Variants in KATNIP observed in about 807,000 individuals in gnomAD.
KATNIP encodes the protein katanin interacting protein, also known as katanin-interacting protein.
In KATNIP, 126 loss-of-function variants were observed where a neutral mutation model predicts 174.0. The ratio of observed to expected loss-of-function variants is 0.72; its 90% CI spans 0.63 to 0.84. KATNIP has a LOEUF of 0.84. Ranked by LOEUF, KATNIP falls within the 40% of genes least tolerant of loss-of-function variation. The probability of loss-of-function intolerance (pLI) is 0.00; values close to 1 mark genes in which losing one functional copy is unlikely to be tolerated. For synonymous variants in KATNIP, 810 were observed against 835.7 expected (o/e 0.97, Z 0.53); for missense variants, 1,958 against 2,109.7 (o/e 0.93, Z 1.41).
At chr16:27,706,556 G>A (rs1485913497) in intron 12 of KATNIP, among the ~76,000 whole-genome samples, 9 of 152,140 alleles carry the variant, frequency 5.9e-5, no homozygotes, top group African/African-American at 7.2e-5. Flanking sequence ...CCCTCCCACC[G>A]CCAAGTGGGA....
In KATNIP at chr16:27,677,743, C is replaced by A; in HGVS notation, c.555C>A (p.Ser185Arg). ...SEDRPQELRRSLELSVNLQRK... is the reference protein window; with the variant it reads ...SEDRPQELRRRLELSVNLQRK... ...GCTTTTTGCAGGAGCTGAGAAGAAG[C>A]CTGGAACTTAGTGTAAATCTACAAA... Residue 185 changes from serine to arginine, a missense_variant, in exon 7 of 28, where the codon AGC (serine) becomes AGA (arginine). By Grantham distance (110) the Ser-to-Arg change is moderately radical. Coordinates refer to ENST00000261588, the MANE Select transcript of KATNIP (RefSeq NM_015202.5). The A allele has an allele frequency of 6.2e-7, 1 of 1,608,262 alleles. No homozygotes were observed. The highest frequency in any genetic ancestry group is 8.5e-7 in the Non-Finnish European group (1 of 1,174,962).
intron 6 of KATNIP, among the ~76,000 whole-genome samples, chr16:27,676,878 C>T (rs535779640): frequency 3.3e-5 from 5 of 152,216 alleles, no homozygotes; most frequent in Non-Finnish European, 4.4e-5. Flanking sequence ...CACTGTGTTG[C>T]CCAGGCTGGT....
chr16:27,739,586 C>T lies in KATNIP; in HGVS notation c.1744-455C>T, dbSNP rs191584428. ...TGTTTTATAAGCACTCCAGGCTTTT[C>T]GACGCAGATGGTCTCAGGAACTGGA... On this transcript the variant is annotated intron_variant, in intron 14 of 27. Coordinates refer to ENST00000261588, the MANE Select transcript of KATNIP (RefSeq NM_015202.5). Among the ~76,000 whole-genome samples the T allele has an allele frequency of 3.9e-5, 6 of 152,254 alleles. No individual in the cohort carries two copies. In the South Asian group the frequency reaches 8.3e-4, roughly 21 times the overall value.
intron 18 of KATNIP, among the ~76,000 whole-genome samples, chr16:27,756,467 A>T (rs774982081): frequency 8.5e-5 from 13 of 152,318 alleles, no homozygotes; most frequent in Non-Finnish European, 1.6e-4. Context: ...AGATGGAGTC[A>T]CCTACCTAAG....
intron 1 of KATNIP, among the ~76,000 whole-genome samples, chr16:27,562,695 G>A (rs1386010634): frequency 6.6e-6 from 1 of 152,214 alleles, no homozygotes; most frequent in Non-Finnish European, 1.5e-5. Flanking sequence ...TTAGGAGCTT[G>A]TCTGATGGAT....
Position 27,576,763 on chromosome 16 carries a change from C to A in KATNIP, c.63+2807C>A, listed in dbSNP as rs183323756. On this transcript the variant is annotated intron_variant, in intron 2 of 27. Coordinates refer to ENST00000261588, the MANE Select transcript of KATNIP (RefSeq NM_015202.5). The stretch of plus-strand genomic sequence containing the variant: ...ATGCCCTCTCTCCTGACTTCCCAAC[C>A]CTCTGTGCCTTACCCAGGATGCCAG... Among the ~76,000 whole-genome samples the A allele has an allele frequency of 3.1e-3, 473 of 152,332 alleles. 3 individuals carry two copies. The highest frequency in any genetic ancestry group is 6.8e-3 in the Middle Eastern group (2 of 294).
chr16:27,713,810 A>G (rs1388917558), intron 13 of KATNIP, among the ~76,000 whole-genome samples: 662 of 5,660 alleles, frequency 0.12, 32 homozygotes, highest in African/African-American at 0.27. Context: ...GTGTATATAC[A>G]TATATATATA....
chr16:27,591,984 T>C (rs2075184260), intron 2 of KATNIP, among the ~76,000 whole-genome samples: 1 of 152,172 alleles, frequency 6.6e-6, no homozygotes, highest in Admixed American at 6.5e-5. Flanking sequence ...GTCATCCAGT[T>C]TATTCTGTGT....
chr16:27,724,375 GA>G lies in KATNIP; in HGVS notation c.1743+2683del, dbSNP rs542119050. Reference sequence around the variant, plus strand: ...CATTGAATATATATCTCAGGGCAAGGAAAGCAGATTTTATGTGCAGGATTAC... The same window carrying G: ...CATTGAATATATATCTCAGGGCAAGGAAGCAGATTTTATGTGCAGGATTAC... On this transcript the variant is annotated intron_variant, in intron 14 of 27. Transcript: ENST00000261588. Among the ~76,000 whole-genome samples the G allele has an allele frequency of 2.1e-3, 325 of 152,346 alleles. 1 individual carries two copies. Among genetic ancestry groups the G allele is most frequent in the African/African-American group, 7.6e-3 (316 of 41,568 alleles).
intron 14 of KATNIP, among the ~76,000 whole-genome samples, chr16:27,735,219 C>T (rs191333835): frequency 1.6e-3 from 237 of 152,300 alleles, no homozygotes; most frequent in African/African-American, 4.8e-3. Flanking sequence ...AGCCTGACCC[C>T]TGCCTCCGCC....
intron 14 of KATNIP, among the ~76,000 whole-genome samples, chr16:27,732,195 C>T (rs748316117): frequency 6.6e-6 from 1 of 152,236 alleles, no homozygotes; most frequent in Non-Finnish European, 1.5e-5. Context: ...CCACGTTTGT[C>T]ATCCTGAGTC....
chr16:27,773,234 G>A (rs376271525), intron 23 of KATNIP, 25 bp downstream of exon 23: 24 of 1,496,154 alleles, frequency 1.6e-5, no homozygotes, highest in Middle Eastern at 1.8e-4. Flanking sequence ...ACAGGAGTGG[G>A]CTCCACCCAG....
At chr16:27,653,522 A>C (rs991352795) in intron 6 of KATNIP, among the ~76,000 whole-genome samples, 1 of 152,098 alleles carries the variant, frequency 6.6e-6, no homozygotes, top group African/African-American at 2.4e-5. Context: ...GGTTTACCAC[A>C]GCAGGAACTT....
intron 2 of KATNIP, among the ~76,000 whole-genome samples, chr16:27,594,259 C>G (rs765761111): frequency 2.6e-5 from 4 of 151,852 alleles, no homozygotes; most frequent in Admixed American, 6.6e-5. Flanking sequence ...GGCCCTATCT[C>G]AAAAACAACA....
At chr16:27,614,455 C>G (rs769161480) in intron 2 of KATNIP, among the ~76,000 whole-genome samples, 4 of 152,168 alleles carry the variant, frequency 2.6e-5, no homozygotes, top group Non-Finnish European at 4.4e-5. Context: ...GCCACCGTGC[C>G]TGGCCACACC....
In KATNIP at chr16:27,617,998, A is replaced by C. The variant is rs140035835; in HGVS notation, c.64-427A>C. ...AGCAATCCTCTCGCCTCAGCCTCCC[A>C]AAGTGCTAGTTTTACAGGCATGAGC... On this transcript the variant is annotated intron_variant, in intron 2 of 27. Transcript: ENST00000261588. 1.6e-4 allele frequency among the ~76,000 whole-genome samples: 25 copies of C among 152,276 alleles called. No homozygotes were observed. In the East Asian group the frequency reaches 4.6e-3, roughly 28 times the overall value.
intron 5 of KATNIP, among the ~76,000 whole-genome samples, chr16:27,640,376 G>A (rs773537499): frequency 1.2e-4 from 19 of 152,314 alleles, no homozygotes; most frequent in Admixed American, 9.8e-4. Flanking sequence ...GAGGCAGGGA[G>A]CCATGCACGG....
chr16:27,741,913 ATGAATGCAAGGCCAC>A (rs1452987775), intron 15 of KATNIP, among the ~76,000 whole-genome samples: 3 of 152,120 alleles, frequency 2.0e-5, no homozygotes, highest in Non-Finnish European at 4.4e-5. Flanking sequence ...AAAAAAAATA[ATGAATGCAAGGCCAC>A]TGTACCAGAC....
intron 15 of KATNIP, among the ~76,000 whole-genome samples, chr16:27,747,697 TTGAG>T (rs1208262918): frequency 8.6e-5 from 13 of 150,710 alleles, no homozygotes; most frequent in Non-Finnish European, 1.6e-4. Flanking sequence ...GAAGTGGAGT[TTGAG>T]TGAGCAAAAC....
Sources: allele counts gnomAD v4.1 joint callset (sites outside exome capture counted in the v4.1 genomes callset), GRCh38; gene constraint gnomAD v4.1.1; transcripts MANE v1.5; gene names NCBI Gene and HGNC (gene_info 2026-07-23, HGNC 2026-07-21).